Variants in TGFBR1 observed in about 807,000 individuals in gnomAD.
The protein encoded by TGFBR1 is TGF-beta receptor type-1.
In TGFBR1, 20 loss-of-function variants were observed where a neutral mutation model predicts 55.1. The ratio of observed to expected loss-of-function variants is 0.36; its 90% CI spans 0.26 to 0.53. The LOEUF is 0.53. TGFBR1 is among the 20% of genes least tolerant of loss of function. The probability of loss-of-function intolerance (pLI) is 0.91; values close to 1 mark genes in which losing one functional copy is unlikely to be tolerated. For synonymous variants in TGFBR1, 220 were observed against 214.8 expected, an observed-to-expected ratio of 1.02 and a Z score of -0.21; for missense variants, 385 against 617.6, an observed-to-expected ratio of 0.62 and a Z score of 3.99.
Position 99,127,902 on chromosome 9 carries a change from T to C in TGFBR1, c.98-953T>C, listed in dbSNP as rs941760565. ...TTTGAATGCTGCTGTGCATGAGGCA[T>C]GGTGTTAGATGGCAGATTGACAGAA... On this transcript the variant is annotated intron_variant, in intron 1 of 8. Coordinates refer to ENST00000374994, the MANE Select transcript of TGFBR1 (RefSeq NM_004612.4). 9 of 455,728 alleles carry C rather than the reference T, an allele frequency of 2.0e-5. No individual in the cohort carries two copies. In the Admixed American group the frequency reaches 2.1e-4, roughly 11 times the overall value. The allele number at this position is 455,728 out of a possible 1,614,324, so 28.2% of individuals were successfully genotyped here.
At chr9:99,118,687 C>T (rs1285985776) in intron 1 of TGFBR1, among the ~76,000 whole-genome samples, 1 of 148,184 alleles carries the variant, frequency 6.7e-6, no homozygotes, top group Non-Finnish European at 1.5e-5. Flanking sequence ...ACTCTGTTGC[C>T]CAGGATGGAG....
intron 7 of TGFBR1, 63 bp downstream of exon 7, chr9:99,146,672 CT>C: frequency 1.9e-6 from 3 of 1,608,356 alleles, no homozygotes; most frequent in South Asian, 2.2e-5. Context: ...GAATTGTCTT[CT>C]TTTTTTAATT....
intron 1 of TGFBR1, chr9:99,127,894 A>G (rs1827084656): frequency 2.2e-6 from 1 of 455,624 alleles, no homozygotes; most frequent in South Asian, 1.6e-5. Context: ...GCTGCTGTGC[A>G]TGAGGCATGG....
In TGFBR1 at chr9:99,151,778, A is replaced by T. The variant is rs202106034; in HGVS notation, c.*2473A>T. ...GTTTGATAAACCACAATTGGCTGATATTGAAAATGAAAGAAACTTAAAAGG... is the reference window on the plus strand; with the variant it reads ...GTTTGATAAACCACAATTGGCTGATTTTGAAAATGAAAGAAACTTAAAAGG... On this transcript the variant is annotated 3_prime_UTR_variant, in exon 9 of 9. Coordinates refer to ENST00000374994, the MANE Select transcript of TGFBR1 (RefSeq NM_004612.4). 3 of 217,516 alleles carry T rather than the reference A, an allele frequency of 1.4e-5. No individual in the cohort carries two copies. Among genetic ancestry groups the T allele is most frequent in the Non-Finnish European group, 2.8e-5 (3 of 107,794 alleles). The allele number at this position is 217,516 out of a possible 1,614,324, so 13.5% of individuals were successfully genotyped here.
chr9:99,109,381 C>T (rs1165649582), intron 1 of TGFBR1, among the ~76,000 whole-genome samples: 1 of 152,064 alleles, frequency 6.6e-6, no homozygotes, highest in Non-Finnish European at 1.5e-5. Flanking sequence ...AGATGATCCG[C>T]TTTGTTGTTG....
At chr9:99,103,933 T>C (rs1826331298), upstream of TGFBR1, 1 of 152,224 alleles carries the variant, frequency 6.6e-6, no homozygotes, top group South Asian at 2.1e-4. Flanking sequence ...AAGGTTTATT[T>C]AATTCTAAGC....
chr9:99,113,334 CTA>C (rs1826639175), intron 1 of TGFBR1, among the ~76,000 whole-genome samples: 1 of 152,196 alleles, frequency 6.6e-6, no homozygotes, highest in African/African-American at 2.4e-5. Flanking sequence ...TCCCTGATGG[CTA>C]TCCTTTTAAA....
At chr9:99,143,875 C>T (rs1827703465) in intron 5 of TGFBR1, among the ~76,000 whole-genome samples, 1 of 152,186 alleles carries the variant, frequency 6.6e-6, no homozygotes, top group Non-Finnish European at 1.5e-5. Flanking sequence ...GCTTATTCTG[C>T]ACATTTTATA....
chr9:99,130,068 A>G (rs1206186336), intron 2 of TGFBR1, among the ~76,000 whole-genome samples: 5 of 152,216 alleles, frequency 3.3e-5, no homozygotes, highest in Admixed American at 3.3e-4. Flanking sequence ...AATGAGGGCA[A>G]CCTGTATTAA....
intron 1 of TGFBR1, among the ~76,000 whole-genome samples, chr9:99,123,959 G>A (rs961213979): frequency 6.6e-6 from 1 of 152,176 alleles, no homozygotes; most frequent in African/African-American, 2.4e-5. Context: ...ATAGGTCAGA[G>A]AGGTATTATG....
intron 5 of TGFBR1, 152 bp from the exon 6 acceptor site, chr9:99,144,580 A>T: frequency 1.3e-6 from 1 of 767,784 alleles, no homozygotes; most frequent in Non-Finnish European, 2.2e-6. Flanking sequence ...GTAGTGATTC[A>T]CTTGAGTTTA....
chr9:99,153,243 T>C lies in TGFBR1; in HGVS notation c.*3938T>C, dbSNP rs1200474935. The C allele has an allele frequency of 2.7e-5, 6 of 222,356 alleles. No homozygotes were observed. In the East Asian group the frequency reaches 3.9e-4, roughly 15 times the overall value. 13.8% of individuals were successfully genotyped at this position (222,356 alleles called of 1,614,324 possible). ...AATATTTGTCAGAGCATTCTCCAGGTTTGCAGTTTTATTTCTATAAAGTAT... is the reference window on the plus strand; with the variant it reads ...AATATTTGTCAGAGCATTCTCCAGGCTTGCAGTTTTATTTCTATAAAGTAT... On this transcript the variant is annotated 3_prime_UTR_variant, in exon 9 of 9. Transcript: ENST00000374994.
At chr9:99,144,452 G>C (rs2118800478) in intron 5 of TGFBR1, among the ~76,000 whole-genome samples, 1 of 152,260 alleles carries the variant, frequency 6.6e-6, no homozygotes, top group East Asian at 1.9e-4. Context: ...GAATTCATAA[G>C]GCACCAACAG....
chr9:99,112,061 G>A (rs554010316), intron 1 of TGFBR1, among the ~76,000 whole-genome samples: 1 of 152,298 alleles, frequency 6.6e-6, no homozygotes, highest in South Asian at 2.1e-4. Context: ...TCTAAGAGGA[G>A]AAATGGAAGT....
At position 99,137,898 on chromosome 9, in the gene TGFBR1, T is replaced by C. The variant is rs1554700593; in HGVS notation, c.614T>C (p.Ile205Thr). 1 of 1,614,054 alleles carries C rather than the reference T, an allele frequency of 6.2e-7. No homozygotes were observed. The highest frequency in any genetic ancestry group is 1.7e-4 in the Middle Eastern group (1 of 6,060). The part of the protein sequence containing the change: ...LLVQRTIART[I>T]VLQESIGKGR... ...GTTCAGAGAACAATTGCGAGAACTA[T>C]TGTGTTACAAGAAAGCATTGGCAAA... is the stretch of plus-strand genomic sequence containing the variant. The change falls in exon 4 of 9, where the codon ATT (isoleucine) becomes ACT (threonine). Residue 205 changes from isoleucine to threonine, a missense_variant. Ile to Thr is a moderately conservative substitution (Grantham distance 89). This residue lies in a region of TGFBR1 where 85 missense variants were observed against 228.4 expected (regional missense o/e 0.37). Transcript: ENST00000374994.
At position 99,151,121 on chromosome 9, in the gene TGFBR1, G is replaced by C. The variant is rs1827968885; in HGVS notation, c.*1816G>C. The C allele has an allele frequency of 8.8e-6, 2 of 228,354 alleles. No individual in the cohort carries two copies. Among genetic ancestry groups the C allele is most frequent in the East Asian group, 1.3e-4 (2 of 15,798 alleles). The allele number at this position is 228,354 out of a possible 1,614,324, so 14.1% of individuals were successfully genotyped here. A position where few individuals can be genotyped will look rare whatever the true frequency, so the allele number is the denominator to read the frequency against. On this transcript the variant is annotated 3_prime_UTR_variant, in exon 9 of 9. Coordinates refer to ENST00000374994, the MANE Select transcript of TGFBR1 (RefSeq NM_004612.4). Reference sequence around the variant, plus strand: ...TCTTATACGTAGAATAAATTTGAAAGACTATTTGATCTTAAAACCAAAGTA... The same window carrying C: ...TCTTATACGTAGAATAAATTTGAAACACTATTTGATCTTAAAACCAAAGTA...
In TGFBR1 at chr9:99,149,434, A is replaced by G. The variant is rs1166842867; in HGVS notation, c.*129A>G. On this transcript the variant is annotated 3_prime_UTR_variant, in exon 9 of 9. Transcript: ENST00000374994. ...TTGCTTCCTTTTGCAGCAGTGTAAT[A>G]AAGTCAATTAAAAACTTCCCAGGAT... The G allele has an allele frequency of 3.6e-6, 5 of 1,369,964 alleles. No individual in the cohort carries two copies. The highest frequency in any genetic ancestry group is 5.1e-6 in the Non-Finnish European group (5 of 976,030). The allele number at this position is 1,369,964 out of a possible 1,614,324, so 84.9% of individuals were successfully genotyped here. A position where few individuals can be genotyped will look rare whatever the true frequency, so the allele number is the denominator to read the frequency against.
chr9:99,149,433 T>C lies in TGFBR1; in HGVS notation c.*128T>C. 2 of 1,367,554 alleles carry C rather than the reference T, an allele frequency of 1.5e-6. No individual in the cohort carries two copies. The highest frequency in any genetic ancestry group is 2.1e-6 in the Non-Finnish European group (2 of 973,954). 84.7% of individuals were successfully genotyped at this position (1,367,554 alleles called of 1,614,324 possible). ...ATTGCTTCCTTTTGCAGCAGTGTAA[T>C]AAAGTCAATTAAAAACTTCCCAGGA... On this transcript the variant is annotated 3_prime_UTR_variant, in exon 9 of 9. Transcript: ENST00000374994.
Position 99,129,033 on chromosome 9 carries a change from T to G in TGFBR1, c.276T>G (p.Thr92=). Residue 92 remains threonine, a synonymous_variant, in exon 2 of 9, where the codon ACT becomes ACG. Coordinates refer to ENST00000374994, the MANE Select transcript of TGFBR1 (RefSeq NM_004612.4). ...RPFVCAPSSK[T]GSVTTTYCCN... ...TTGTATGTGCACCCTCTTCAAAAACTGGGTCTGTGACTACAACATATTGCT... is the reference window on the plus strand; with the variant it reads ...TTGTATGTGCACCCTCTTCAAAAACGGGGTCTGTGACTACAACATATTGCT... 1 of 1,613,960 alleles carries G rather than the reference T, an allele frequency of 6.2e-7. No individual in the cohort carries two copies. Among genetic ancestry groups the G allele is most frequent in the South Asian group, 1.1e-5 (1 of 91,078 alleles).
Sources: allele counts gnomAD v4.1 joint callset (sites outside exome capture counted in the v4.1 genomes callset), GRCh38; gene constraint gnomAD v4.1.1; regional missense constraint gnomAD v4.1.1; transcripts MANE v1.5; gene names NCBI Gene and HGNC (gene_info 2026-07-23, HGNC 2026-07-21).